The following ZBBX variants were observed in gnomAD, a reference collection of about 807,000 sequenced individuals.
ZBBX encodes zinc finger B-box domain-containing protein 1.
Under a neutral mutation model 108.5 loss-of-function variants are expected in ZBBX, and 101 were observed. The observed-to-expected ratio is 0.93, with a 90% CI of 0.79 to 1.10. The LOEUF is 1.10. Ranked by LOEUF, ZBBX falls within the 50% of genes least tolerant of loss-of-function variation. The pLI, the probability that ZBBX is intolerant of heterozygous loss-of-function variation, is 0.00. For synonymous variants in ZBBX, 356 were observed against 323.4 expected, an observed-to-expected ratio of 1.10 and a Z score of -1.08; for missense variants, 1,009 against 941.4, an observed-to-expected ratio of 1.07 and a Z score of -0.94.
At chr3:167,345,748 T>C (rs113853225) in intron 9 of ZBBX, among the ~76,000 whole-genome samples, 5,290 of 151,690 alleles carry the variant, frequency 0.035, 155 homozygotes, top group Non-Finnish European at 0.052. Flanking sequence ...AAAGAGCCCA[T>C]ATAACCAAGA....
Position 167,313,998 on chromosome 3 carries a change from T to A in ZBBX, c.1393A>T (p.Thr465Ser), listed in dbSNP as rs1735025676. The stretch of plus-strand genomic sequence containing the variant: ...CCTTTTGAATTATCTTTATAATAAG[T>A]AGAGCTGTTTCTCAGACAAAGATTT... ...FLNLCLRNSSTYYKDNSKAET... is the reference protein window; with the variant it reads ...FLNLCLRNSSSYYKDNSKAET... The change falls in exon 16 of 22, where the codon ACT (threonine) becomes TCT (serine). Residue 465 changes from threonine (T) to serine (S), a missense_variant. Thr to Ser is a moderately conservative substitution (Grantham distance 58). Transcript: ENST00000675490. The A allele has an allele frequency of 6.2e-7, 1 of 1,602,142 alleles. No homozygotes were observed.
chr3:167,225,550 AATAG>A, the ZBBX span, among the ~76,000 whole-genome samples: 2 of 151,830 alleles, frequency 1.3e-5, no homozygotes, highest in African/African-American at 4.8e-5. Context: ...TTATGTGCTA[AATAG>A]ATAGAAGAGT....
At chr3:167,364,412 T>C (rs1745010881) in intron 6 of ZBBX, among the ~76,000 whole-genome samples, 1 of 152,050 alleles carries the variant, frequency 6.6e-6, no homozygotes, top group Non-Finnish European at 1.5e-5. Context: ...TTCGTCCTTA[T>C]AACATTGAAC....
intron 1 of ZBBX, among the ~76,000 whole-genome samples, chr3:167,404,082 G>A (rs138466313): frequency 3.4e-4 from 52 of 152,064 alleles, no homozygotes; most frequent in African/African-American, 1.2e-3. Flanking sequence ...CATTTTAAAC[G>A]CAACATGGAT....
At chr3:167,402,785 T>TAA (rs58918452) in intron 1 of ZBBX, among the ~76,000 whole-genome samples, 5 of 134,720 alleles carry the variant, frequency 3.7e-5, no homozygotes, top group South Asian at 2.1e-4. Context: ...CTACAATATG[T>TAA]AAAAAAAAAA....
intron 18 of ZBBX, among the ~76,000 whole-genome samples, chr3:167,295,699 C>A (rs1450351825): frequency 2.3e-5 from 2 of 85,770 alleles, no homozygotes; most frequent in African/African-American, 9.4e-5. Context: ...CATGAAGAAA[C>A]AAAAAATTGG....
intron 19 of ZBBX, among the ~76,000 whole-genome samples, chr3:167,287,996 T>C (rs2108553764): frequency 6.6e-6 from 1 of 152,228 alleles, no homozygotes; most frequent in South Asian, 2.1e-4. Flanking sequence ...AGATAGCCTT[T>C]AAACCAAGGC....
chr3:167,358,647 G>GAT (rs1743990964), intron 8 of ZBBX, among the ~76,000 whole-genome samples: 1 of 151,918 alleles, frequency 6.6e-6, no homozygotes, highest in African/African-American at 2.4e-5. Flanking sequence ...TTTAAGAGAG[G>GAT]ATATATAGTC....
At chr3:167,226,185 G>C in the ZBBX span, among the ~76,000 whole-genome samples, 1 of 151,680 alleles carries the variant, frequency 6.6e-6, no homozygotes, top group African/African-American at 2.4e-5. Context: ...GTTAGAGCCA[G>C]ATTTTCAGAC....
chr3:167,400,255 T>C (rs1378152163), intron 1 of ZBBX, among the ~76,000 whole-genome samples: 1 of 152,174 alleles, frequency 6.6e-6, no homozygotes, highest in Non-Finnish European at 1.5e-5. Context: ...AGTAGTTATC[T>C]TTGTAGTTTT....
upstream of ZBBX, among the ~76,000 whole-genome samples, chr3:167,384,178 A>G (rs746520951): frequency 1.3e-5 from 2 of 152,118 alleles, no homozygotes; most frequent in African/African-American, 2.4e-5. Context: ...ATGTAAAAAT[A>G]GAGCAAGTGG....
intron 13 of ZBBX, 83 bp downstream of exon 13, chr3:167,317,405 C>A: frequency 9.1e-7 from 1 of 1,096,124 alleles, no homozygotes; most frequent in Non-Finnish European, 1.3e-6. Flanking sequence ...TTAAAGAAAA[C>A]CAAAAGCAGA....
chr3:167,368,583 A>G lies in ZBBX; in HGVS notation c.69-9T>C. 3 of 1,576,484 alleles carry G rather than the reference A, an allele frequency of 1.9e-6. No homozygotes were observed. Among genetic ancestry groups the G allele is most frequent in the Admixed American group, 1.8e-5 (1 of 54,950 alleles). On this transcript the variant is annotated splice_polypyrimidine_tract_variant and intron_variant, in intron 4 of 21. Transcript: ENST00000675490. ...GCAGTTCTTGAGCATTTCTGAAGACATAAGATTTAAATGGAGAAAGCAGAA... is the reference window on the plus strand; with the variant it reads ...GCAGTTCTTGAGCATTTCTGAAGACGTAAGATTTAAATGGAGAAAGCAGAA...
At chr3:167,235,339 T>C (rs960998726), downstream of ZBBX, among the ~76,000 whole-genome samples, 2 of 151,644 alleles carry the variant, frequency 1.3e-5, no homozygotes, top group African/African-American at 4.8e-5. Context: ...AATGTTATCC[T>C]ATAAAAATTT....
At chr3:167,377,498 T>C (rs1747147060) in intron 2 of ZBBX, among the ~76,000 whole-genome samples, 1 of 152,170 alleles carries the variant, frequency 6.6e-6, no homozygotes, top group South Asian at 2.1e-4. Context: ...TTTGAAATGG[T>C]CTAATTAGCA....
the ZBBX span, among the ~76,000 whole-genome samples, chr3:167,217,150 C>T: frequency 6.6e-6 from 1 of 152,092 alleles, no homozygotes; most frequent in Non-Finnish European, 1.5e-5. Flanking sequence ...AGAACTTCTC[C>T]ACAGCAAAAT....
At chr3:167,302,106 G>A (rs1732797504) in intron 17 of ZBBX, among the ~76,000 whole-genome samples, 1 of 151,994 alleles carries the variant, frequency 6.6e-6, no homozygotes, top group Non-Finnish European at 1.5e-5. Flanking sequence ...CTTCCTTTGT[G>A]GATTTATTTT....
intron 11 of ZBBX, among the ~76,000 whole-genome samples, chr3:167,323,248 GGGA>G (rs893803536): frequency 0.019 from 2,780 of 145,198 alleles, 144 homozygotes; most frequent in African/African-American, 0.06. Flanking sequence ...AGGGGGGGGG[GGGA>G]AAGAACTCTT....
At chr3:167,296,787 G>T (rs1468096839) in intron 18 of ZBBX, among the ~76,000 whole-genome samples, 1 of 127,496 alleles carries the variant, frequency 7.8e-6, no homozygotes. Flanking sequence ...TAGTGGTAAG[G>T]TGCCAATGTT....
Sources: allele counts gnomAD v4.1 joint callset (sites outside exome capture counted in the v4.1 genomes callset), GRCh38; gene constraint gnomAD v4.1.1; transcripts MANE v1.5; gene names NCBI Gene and HGNC (gene_info 2026-07-23, HGNC 2026-07-21).